The following ATP11A variants were observed in gnomAD, a reference collection of about 807,000 sequenced individuals.
The protein encoded by ATP11A is phospholipid-transporting ATPase IH.
Under a neutral mutation model 154.4 loss-of-function variants are expected in ATP11A, and 81 were observed. The observed-to-expected ratio is 0.52, with a 90% CI of 0.44 to 0.63. ATP11A has a LOEUF of 0.63. Among genes scored for constraint, ATP11A ranks in the 30% least tolerant of loss-of-function variants. The pLI, the probability that ATP11A is intolerant of heterozygous loss-of-function variation, is 0.00. For synonymous variants in ATP11A, 623 were observed against 585.9 expected (o/e 1.06, Z -0.91); for missense variants, 1,316 against 1,474.3 (o/e 0.89, Z 1.76).
At chr13:112,776,037 C>A (rs575304983) in intron 1 of ATP11A, among the ~76,000 whole-genome samples, 7 of 152,170 alleles carry the variant, frequency 4.6e-5, no homozygotes, top group Non-Finnish European at 8.8e-5. Flanking sequence ...CTCCCTGGCC[C>A]GGCTGGAGTC....
At chr13:112,769,132 G>A (rs1217894125) in intron 1 of ATP11A, among the ~76,000 whole-genome samples, 2 of 152,130 alleles carry the variant, frequency 1.3e-5, no homozygotes, top group Non-Finnish European at 2.9e-5. Context: ...GCTGCCCCCC[G>A]GCTCCTCCTT....
intron 12 of ATP11A, among the ~76,000 whole-genome samples, chr13:112,828,760 G>A (rs2079013970): frequency 2.0e-5 from 3 of 152,252 alleles, no homozygotes; most frequent in Admixed American, 6.5e-5. Context: ...ACACAAAGAA[G>A]TGTGTACTGT....
chr13:112,854,233 C>T, intron 18 of ATP11A, 46 bp from the exon 19 acceptor site: 1 of 1,597,888 alleles, frequency 6.3e-7, no homozygotes, highest in Non-Finnish European at 8.5e-7. Flanking sequence ...ATTCCTGGGT[C>T]AGCACTGACT....
chr13:112,812,289 G>C (rs2078523355), intron 5 of ATP11A: 1 of 152,298 alleles, frequency 6.6e-6, no homozygotes, highest in Admixed American at 6.5e-5. Flanking sequence ...TGTGGATCTA[G>C]GTGCCAGGCC....
At chr13:112,794,934 A>T (rs1005642907) in intron 2 of ATP11A, among the ~76,000 whole-genome samples, 1 of 152,082 alleles carries the variant, frequency 6.6e-6, no homozygotes, top group African/African-American at 2.4e-5. Flanking sequence ...CCAAAGCTGT[A>T]CAGTAACATT....
At position 112,875,837 on chromosome 13, in the gene ATP11A, G is replaced by A. The variant is rs373615812; in HGVS notation, c.3223G>A (p.Ala1075Thr). ...CATCCAGATGCTGTCCAGCGGGCCC[G>A]CCTGGCTGGCCATCGTGCTGCTGGT... The part of the protein sequence containing the change: ...VFIQMLSSGP[A>T]WLAIVLLVTI... The change falls in exon 28 of 30, where the codon GCC becomes ACC. Residue 1075 changes from alanine (A) to threonine (T), a missense_variant. Coordinates refer to ENST00000375645, the MANE Select transcript of ATP11A (RefSeq NM_015205.3). The surrounding 1 kb of genome is among the most constrained non-coding windows in gnomAD (Gnocchi z 4.1). 5.5e-5 allele frequency: 89 copies of A among 1,613,792 alleles called. No homozygotes were observed. The highest frequency in any genetic ancestry group is 1.1e-4 in the East Asian group (5 of 44,886).
intron 1 of ATP11A, among the ~76,000 whole-genome samples, chr13:112,740,138 CTCTCTCTCTCTA>C (rs1204411845): frequency 9.7e-6 from 1 of 103,108 alleles, no homozygotes; most frequent in East Asian, 3.0e-4. Flanking sequence ...CTCTCTCTCT[CTCTCTCTCTCTA>C]TATATATATA....
At chr13:112,864,888 TGC>T (rs2080267006) in intron 25 of ATP11A, among the ~76,000 whole-genome samples, 2 of 31,456 alleles carry the variant, frequency 6.4e-5, no homozygotes, top group African/African-American at 2.3e-4. Context: ...AGTGCAGGCC[TGC>T]GCAGCTTCCC....
chr13:112,717,074 G>T (rs1360312228), intron 1 of ATP11A, among the ~76,000 whole-genome samples: 5 of 152,176 alleles, frequency 3.3e-5, no homozygotes. Flanking sequence ...ATGAGGGGGA[G>T]GCTTCTGTTG....
intron 16 of ATP11A, among the ~76,000 whole-genome samples, chr13:112,841,983 G>A (rs980406438): frequency 2.0e-5 from 3 of 152,206 alleles, no homozygotes; most frequent in Non-Finnish European, 2.9e-5. Flanking sequence ...AGGGCATTTT[G>A]TCCCCTTTCG....
chr13:112,705,023 G>A (rs537592953), intron 1 of ATP11A, among the ~76,000 whole-genome samples: 5 of 152,252 alleles, frequency 3.3e-5, no homozygotes, highest in African/African-American at 4.8e-5. Flanking sequence ...TGGAATAACG[G>A]GCATCTCCTT....
chr13:112,721,118 T>C (rs546553470), intron 1 of ATP11A, among the ~76,000 whole-genome samples: 8 of 152,200 alleles, frequency 5.3e-5, no homozygotes, highest in African/African-American at 1.7e-4. Flanking sequence ...CAGTCCTCTG[T>C]CCGGTCAGAA....
chr13:112,749,765 C>T (rs1283866009), intron 1 of ATP11A, among the ~76,000 whole-genome samples: 1 of 148,932 alleles, frequency 6.7e-6, no homozygotes, highest in Non-Finnish European at 1.5e-5. Flanking sequence ...TCTCCATCCT[C>T]CCACGTGGGG....
At position 112,856,046 on chromosome 13, in the gene ATP11A, G is replaced by A. The variant is rs61747421; in HGVS notation, c.2379G>A (p.Ala793=). 4.5e-3 allele frequency: 7,200 copies of A among 1,613,862 alleles called. 308 individuals are homozygous for A. The African/African-American group carries it at 0.083, about 18-fold the overall frequency. The change falls in exon 20 of 30, where the codon GCG becomes GCA. Residue 793 remains alanine (A), a synonymous_variant. Transcript: ENST00000375645. The part of the protein sequence containing the change: ...LFLEICRSCS[A]VLCCRMAPLQ... The stretch of plus-strand genomic sequence containing the variant: ...TGGAAATCTGCCGGAGCTGCAGCGC[G>A]GTGCTCTGCTGCCGCATGGCGCCCT...
At chr13:112,778,506 G>A (rs1465347972) in intron 1 of ATP11A, among the ~76,000 whole-genome samples, 2 of 152,270 alleles carry the variant, frequency 1.3e-5, no homozygotes, top group Admixed American at 1.3e-4. Flanking sequence ...GGCTGCACAG[G>A]GAGCATTGCT....
At chr13:112,742,483 T>G (rs1891669331) in intron 1 of ATP11A, among the ~76,000 whole-genome samples, 1 of 152,164 alleles carries the variant, frequency 6.6e-6, no homozygotes, top group Admixed American at 6.5e-5. Flanking sequence ...CTGTCTGATT[T>G]CGTAGTCTGG....
chr13:112,798,521 G>A lies in ATP11A; in HGVS notation c.163-6436G>A, dbSNP rs191389101. ...GTGATTGCTCAGGGGTGAATGAAAT[G>A]TATGACAGCAGTGCCCTGGGGGGCA... is the stretch of plus-strand genomic sequence containing the variant. On this transcript the variant is annotated intron_variant, in intron 2 of 29. Coordinates refer to ENST00000375645, the MANE Select transcript of ATP11A (RefSeq NM_015205.3). Among the ~76,000 whole-genome samples the A allele has an allele frequency of 8.1e-4, 123 of 152,350 alleles. 1 individual carries two copies. The highest frequency in any genetic ancestry group is 1.6e-3 in the Non-Finnish European group (108 of 68,032).
intron 1 of ATP11A, among the ~76,000 whole-genome samples, chr13:112,774,929 C>G (rs564047073): frequency 6.6e-6 from 1 of 152,254 alleles, no homozygotes; most frequent in South Asian, 2.1e-4. Context: ...CCCACCTTCC[C>G]CCGTCACGGG....
At chr13:112,776,561 G>T (rs1176463226) in intron 1 of ATP11A, among the ~76,000 whole-genome samples, 1 of 152,084 alleles carries the variant, frequency 6.6e-6, no homozygotes, top group Non-Finnish European at 1.5e-5. Flanking sequence ...TTGGTGTTGC[G>T]CTCTGTCAAG....
Sources: allele counts gnomAD v4.1 joint callset (sites outside exome capture counted in the v4.1 genomes callset), GRCh38; gene constraint gnomAD v4.1.1; non-coding constraint Gnocchi (gnomAD v3.1); transcripts MANE v1.5; gene names NCBI Gene and HGNC (gene_info 2026-07-23, HGNC 2026-07-21).